GPC6: variants seen among roughly 807,000 people sequenced by gnomAD.
GPC6 encodes glypican 6, also known as glypican-6.
A neutral mutation model predicts 55.2 loss-of-function variants in GPC6; 14 were observed. The observed-to-expected ratio is 0.25, with a 90% CI of 0.17 to 0.40. The LOEUF (loss-of-function observed/expected upper bound fraction) is 0.40, where lower values mean the gene tolerates loss of function less well. GPC6 is among the 10% of genes least tolerant of loss of function. The probability of loss-of-function intolerance (pLI) is 1.00; values close to 1 mark genes in which losing one functional copy is unlikely to be tolerated. For synonymous variants in GPC6, 278 were observed against 259.6 expected (o/e 1.07, Z -0.68); for missense variants, 641 against 708.5 (o/e 0.90, Z 1.08).
intron 3 of GPC6, among the ~76,000 whole-genome samples, chr13:93,891,084 A>G (rs1436714111): frequency 6.6e-6 from 1 of 152,134 alleles, no homozygotes; most frequent in African/African-American, 2.4e-5. Context: ...CATAAAAATG[A>G]TATTAACAAC....
At chr13:93,360,170 C>T (rs1020664571) in intron 1 of GPC6, among the ~76,000 whole-genome samples, 7 of 152,078 alleles carry the variant, frequency 4.6e-5, no homozygotes, top group Non-Finnish European at 7.3e-5. Flanking sequence ...TCCTACTGAG[C>T]GGAAAGTAGA....
At chr13:94,202,868 CG>C (rs534074644) in intron 4 of GPC6, among the ~76,000 whole-genome samples, 121 of 151,878 alleles carry the variant, frequency 8.0e-4, no homozygotes, top group African/African-American at 2.8e-3. Context: ...GAGGCCCCTT[CG>C]AAGGCCCTAA....
chr13:93,762,844 C>T (rs1360343715), intron 2 of GPC6, among the ~76,000 whole-genome samples: 1 of 152,112 alleles, frequency 6.6e-6, no homozygotes, highest in Non-Finnish European at 1.5e-5. Flanking sequence ...CTGTCACCCA[C>T]CATTTATGCT....
chr13:93,860,774 A>G (rs527610660), intron 3 of GPC6, among the ~76,000 whole-genome samples: 1 of 151,836 alleles, frequency 6.6e-6, no homozygotes, highest in South Asian at 2.1e-4. Flanking sequence ...AACTATCTTT[A>G]TAGCTGGCCA....
chr13:93,326,252 T>C (rs1283177101), intron 1 of GPC6, among the ~76,000 whole-genome samples: 1 of 152,120 alleles, frequency 6.6e-6, no homozygotes, highest in East Asian at 1.9e-4. Flanking sequence ...TCTTAGACCA[T>C]AGTGTGCATT....
At chr13:93,598,386 TC>T (rs1877862121) in intron 2 of GPC6, among the ~76,000 whole-genome samples, 1 of 152,178 alleles carries the variant, frequency 6.6e-6, no homozygotes, top group African/African-American at 2.4e-5. Flanking sequence ...CTCTTCTTCC[TC>T]TTTACATTCA....
chr13:93,619,866 T>G (rs1057480332), intron 2 of GPC6, among the ~76,000 whole-genome samples: 1 of 152,174 alleles, frequency 6.6e-6, no homozygotes, highest in African/African-American at 2.4e-5. Context: ...GTTTTCATAG[T>G]ATAGCAGAGT....
intron 1 of GPC6, among the ~76,000 whole-genome samples, chr13:93,311,101 C>T (rs1372769725): frequency 2.0e-5 from 3 of 152,138 alleles, no homozygotes; most frequent in African/African-American, 7.2e-5. Flanking sequence ...AATTGCATTA[C>T]CCATGGCCCT....
chr13:93,398,053 C>T (rs561190747), intron 1 of GPC6, among the ~76,000 whole-genome samples: 20 of 152,222 alleles, frequency 1.3e-4, no homozygotes, highest in Admixed American at 3.9e-4. Context: ...GTGCCAGCCC[C>T]CATTTCAGCA....
At chr13:94,289,830 A>G (rs1286227905) in intron 5 of GPC6, among the ~76,000 whole-genome samples, 1 of 152,212 alleles carries the variant, frequency 6.6e-6, no homozygotes, top group Non-Finnish European at 1.5e-5. Flanking sequence ...ATCCTCATCT[A>G]TAAAATAGCT....
intron 4 of GPC6, among the ~76,000 whole-genome samples, chr13:94,105,068 T>G (rs991464870): frequency 2.6e-5 from 4 of 152,190 alleles, no homozygotes; most frequent in Non-Finnish European, 5.9e-5. Flanking sequence ...TTCTAGATTT[T>G]TAATTTCTTA....
intron 2 of GPC6, among the ~76,000 whole-genome samples, chr13:93,719,654 C>A (rs1393913527): frequency 6.6e-6 from 1 of 152,010 alleles, no homozygotes; most frequent in Non-Finnish European, 1.5e-5. Context: ...GCATTTTTGT[C>A]TTGTGCCAGT....
At chr13:93,618,233 A>C (rs949295832) in intron 2 of GPC6, among the ~76,000 whole-genome samples, 10 of 152,122 alleles carry the variant, frequency 6.6e-5, no homozygotes, top group Non-Finnish European at 1.5e-4. Context: ...ATATTTATGT[A>C]TGTATGTGTT....
chr13:93,583,338 TTG>T (rs34034260), intron 2 of GPC6, among the ~76,000 whole-genome samples: 10 of 151,504 alleles, frequency 6.6e-5, no homozygotes, highest in African/African-American at 1.2e-4. Flanking sequence ...GTAATGCACA[TTG>T]TGTGTGTGTG....
chr13:93,518,922 C>T (rs541620084), intron 1 of GPC6, among the ~76,000 whole-genome samples: 76 of 151,978 alleles, frequency 5.0e-4, no homozygotes, highest in Non-Finnish European at 9.6e-4. Flanking sequence ...TAGGCCGTAC[C>T]TAGTTTGCAC....
chr13:93,690,931 G>A lies in GPC6; in HGVS notation c.320-139223G>A, dbSNP rs191768037. On this transcript the variant is annotated intron_variant, in intron 2 of 8. Transcript: ENST00000377047. ...TAGTGGATTTCTTCTTTGTCATTTA[G>A]TTGTTCCCTAGCCAATCCTCACTAT... is the stretch of plus-strand genomic sequence containing the variant. Among the ~76,000 whole-genome samples the A allele has an allele frequency of 1.7e-3, 262 of 151,870 alleles. 1 individual carries two copies. Among genetic ancestry groups the A allele is most frequent in the Non-Finnish European group, 2.9e-3 (200 of 67,930 alleles).
intron 2 of GPC6, among the ~76,000 whole-genome samples, chr13:93,689,656 C>T (rs746280126): frequency 2.0e-5 from 3 of 152,096 alleles, no homozygotes; most frequent in Non-Finnish European, 4.4e-5. Context: ...CTCTGTCTAT[C>T]CAGGTCAGAC....
chr13:93,244,445 A>G (rs558801446), intron 1 of GPC6, among the ~76,000 whole-genome samples: 2 of 152,364 alleles, frequency 1.3e-5, no homozygotes, highest in African/African-American at 4.8e-5. Context: ...ATTAGGTTGC[A>G]AATCTCGCTT....
chr13:93,676,150 TATATATATATATATATATACATAC>T lies in GPC6; in HGVS notation c.319+130731_319+130754del, dbSNP rs1566481730. On this transcript the variant is annotated intron_variant, in intron 2 of 8. Coordinates refer to ENST00000377047, the MANE Select transcript of GPC6 (RefSeq NM_005708.5). Reference sequence around the variant, plus strand: ...AAATATATATATATATATATATATATATATATATATATATATATACATACACACACACACACACACATATATATG... The same window carrying T: ...AAATATATATATATATATATATATATACACACACACACACACATATATATG... Among the ~76,000 whole-genome samples, 15 of 15,828 alleles carry T rather than the reference TATATATATATATATATATACATAC, an allele frequency of 9.5e-4. 2 individuals carry two copies. Among genetic ancestry groups the T allele is most frequent in the African/African-American group, 1.3e-3 (14 of 10,462 alleles). 10.4% of individuals were successfully genotyped at this position (15,828 alleles called of 152,430 possible). A position where few individuals can be genotyped will look rare whatever the true frequency, so the allele number is the denominator to read the frequency against.
Sources: allele counts gnomAD v4.1 joint callset (sites outside exome capture counted in the v4.1 genomes callset), GRCh38; gene constraint gnomAD v4.1.1; transcripts MANE v1.5; gene names NCBI Gene and HGNC (gene_info 2026-07-23, HGNC 2026-07-21).